The following TMEM132B variants were observed in gnomAD, a reference collection of about 807,000 sequenced individuals.
TMEM132B encodes the protein transmembrane protein 132B.
Under a neutral mutation model 90.8 loss-of-function variants are expected in TMEM132B, and 18 were observed. The ratio of observed to expected loss-of-function variants is 0.20; its 90% CI spans 0.14 to 0.29. The LOEUF is 0.29. TMEM132B is among the 10% of genes least tolerant of loss of function. The pLI, the probability that TMEM132B is intolerant of heterozygous loss-of-function variation, is 1.00. For missense variants in TMEM132B, 1,096 were observed against 1,326.8 expected (o/e 0.83, Z 2.70); for synonymous variants, 504 against 523.3 (o/e 0.96, Z 0.50).
intron 5 of TMEM132B, chr12:125,622,600 GTC>G: frequency 1.0e-6 from 1 of 985,422 alleles, no homozygotes; most frequent in Middle Eastern, 5.2e-4. Context: ...TATTTGCTGG[GTC>G]TCTCTCTGGA....
intron 1 of TMEM132B, among the ~76,000 whole-genome samples, chr12:125,217,263 G>A (rs1873458478): frequency 1.3e-5 from 2 of 152,166 alleles, no homozygotes; most frequent in Admixed American, 6.5e-5. Flanking sequence ...CAGGAGGGTG[G>A]GGAAGAGAGG....
At chr12:125,533,202 T>C (rs1433239501) in intron 4 of TMEM132B, among the ~76,000 whole-genome samples, 3 of 152,194 alleles carry the variant, frequency 2.0e-5, no homozygotes, top group Non-Finnish European at 4.4e-5. Flanking sequence ...AGAATAACCT[T>C]GTTATCATGA....
intron 1 of TMEM132B, among the ~76,000 whole-genome samples, chr12:125,276,565 G>T (rs987196905): frequency 1.3e-5 from 2 of 152,200 alleles, no homozygotes; most frequent in Admixed American, 6.5e-5. Context: ...TGAATGGCTG[G>T]AGTGGAGTTG....
chr12:125,271,798 T>G (rs1001281420), intron 1 of TMEM132B, among the ~76,000 whole-genome samples: 7 of 151,856 alleles, frequency 4.6e-5, no homozygotes, highest in African/African-American at 1.7e-4. Flanking sequence ...TAATATATAA[T>G]ATATATTTGA....
intron 1 of TMEM132B, among the ~76,000 whole-genome samples, chr12:125,340,985 G>A (rs1324911343): frequency 2.0e-5 from 3 of 152,228 alleles, no homozygotes; most frequent in African/African-American, 7.2e-5. Flanking sequence ...GCCAGGAAAA[G>A]CTTTGCTTCT....
At chr12:125,203,599 A>G (rs1449457126) in intron 1 of TMEM132B, among the ~76,000 whole-genome samples, 1 of 152,230 alleles carries the variant, frequency 6.6e-6, no homozygotes, top group Non-Finnish European at 1.5e-5. Flanking sequence ...TTCTAGAGTT[A>G]GTAGAATTTT....
intron 3 of TMEM132B, among the ~76,000 whole-genome samples, chr12:125,512,879 C>A (rs984373945): frequency 2.0e-5 from 3 of 152,240 alleles, no homozygotes; most frequent in African/African-American, 7.2e-5. Flanking sequence ...GGCAGAGAGA[C>A]GAACTAAAGA....
intron 1 of TMEM132B, among the ~76,000 whole-genome samples, chr12:125,270,149 T>TGTGTGTGTGTGTGTGTG (rs1555235073): frequency 6.7e-6 from 1 of 150,194 alleles, no homozygotes; most frequent in African/African-American, 2.5e-5. Context: ...TGTGTGTGTG[T>TGTGTGTGTGTGTGTGTG]TTTAAGAGAC....
intron 5 of TMEM132B, among the ~76,000 whole-genome samples, chr12:125,617,417 C>G (rs2136960923): frequency 6.6e-6 from 1 of 150,926 alleles, no homozygotes; most frequent in Non-Finnish European, 1.5e-5. Context: ...GCCATCTCGG[C>G]TCACCACAAC....
At chr12:125,200,447 C>T (rs1873029602) in intron 1 of TMEM132B, among the ~76,000 whole-genome samples, 1 of 152,164 alleles carries the variant, frequency 6.6e-6, no homozygotes, top group South Asian at 2.1e-4. Flanking sequence ...CTTCCAGGTA[C>T]ATACAGAACT....
At chr12:125,555,769 C>T (rs1246126922) in intron 4 of TMEM132B, among the ~76,000 whole-genome samples, 2 of 151,956 alleles carry the variant, frequency 1.3e-5, no homozygotes, top group East Asian at 3.8e-4. Context: ...GACCCTTACC[C>T]CAACTGGGAT....
At chr12:125,481,576 C>T (rs1337748247) in intron 3 of TMEM132B, among the ~76,000 whole-genome samples, 1 of 152,160 alleles carries the variant, frequency 6.6e-6, no homozygotes, top group East Asian at 1.9e-4. Context: ...AGGAGAACTA[C>T]AAACCACTGC....
chr12:125,221,073 C>A (rs1390713123), intron 1 of TMEM132B, among the ~76,000 whole-genome samples: 2 of 152,372 alleles, frequency 1.3e-5, no homozygotes, highest in Non-Finnish European at 2.9e-5. Flanking sequence ...CCTGAGCACC[C>A]CGCCTACAGT....
At chr12:125,589,297 A>G (rs553190315) in intron 5 of TMEM132B, among the ~76,000 whole-genome samples, 58 of 151,984 alleles carry the variant, frequency 3.8e-4, no homozygotes, top group Non-Finnish European at 7.8e-4. Context: ...CCTGGCTAAC[A>G]CGGTGAAACC....
chr12:125,480,872 C>G (rs1476883061), intron 3 of TMEM132B, among the ~76,000 whole-genome samples: 1 of 152,118 alleles, frequency 6.6e-6, no homozygotes, highest in African/African-American at 2.4e-5. Flanking sequence ...AAAATACTGG[C>G]AAACCGAATC....
chr12:125,426,434 G>A (rs529403769), intron 3 of TMEM132B, among the ~76,000 whole-genome samples: 9 of 152,246 alleles, frequency 5.9e-5, no homozygotes, highest in African/African-American at 2.2e-4. Flanking sequence ...ACCTTTGGAT[G>A]ACTAAAAAGT....
At chr12:125,640,124 G>A (rs1242273360) in intron 5 of TMEM132B, among the ~76,000 whole-genome samples, 2 of 152,122 alleles carry the variant, frequency 1.3e-5, no homozygotes, top group East Asian at 1.9e-4. Flanking sequence ...GCCACTTTCG[G>A]TGAGTCTCTT....
At chr12:125,515,933 C>G (rs1246877713) in intron 3 of TMEM132B, among the ~76,000 whole-genome samples, 1 of 151,802 alleles carries the variant, frequency 6.6e-6, no homozygotes, top group Non-Finnish European at 1.5e-5. Context: ...TCCTATTTCT[C>G]TGTCACACAC....
rs1402902172 is a variant in TMEM132B, at chr12:125,566,668, CCA to C, written c.1294-17180_1294-17179del. On this transcript the variant is annotated intron_variant, in intron 4 of 8. Coordinates refer to ENST00000682704, the MANE Select transcript of TMEM132B (RefSeq NM_001366854.1). Reference sequence around the variant, plus strand: ...GTTTTAGAGAAACAGTTGCCAGATGCCACAGTTGATAGGGCTGGATTGGAATG... The same window carrying C: ...GTTTTAGAGAAACAGTTGCCAGATGCCAGTTGATAGGGCTGGATTGGAATG... 8.5e-5 allele frequency among the ~76,000 whole-genome samples: 13 copies of C among 152,090 alleles called. No individual in the cohort carries two copies. In the East Asian group the frequency reaches 1.7e-3, roughly 20 times the overall value.
Sources: gnomAD v4.1 joint callset for allele counts (sites outside exome capture counted in the v4.1 genomes callset) on GRCh38, gnomAD v4.1.1 for gene constraint, MANE v1.5 for transcripts, NCBI Gene and HGNC (gene_info 2026-07-23, HGNC 2026-07-21) for gene names.